The following FIG4 variants were observed in gnomAD, a reference collection of about 807,000 sequenced individuals.
FIG4 encodes the protein polyphosphoinositide phosphatase.
FIG4 carries 112 observed loss-of-function variants against 118.6 expected under a neutral mutation model. The ratio of observed to expected loss-of-function variants is 0.94; its 90% confidence interval spans 0.81 to 1.11. The LOEUF is 1.11. FIG4 is among the 50% of genes least tolerant of loss of function. The pLI is 0.00. For missense variants in FIG4, 969 were observed against 1,111.7 expected (o/e 0.87, Z 1.83); for synonymous variants, 369 against 381.2 (o/e 0.97, Z 0.37).
At chr6:109,795,063 A>G (rs1778238140) in intron 21 of FIG4, among the ~76,000 whole-genome samples, 1 of 124,324 alleles carries the variant, frequency 8.0e-6, no homozygotes, top group East Asian at 2.3e-4. Flanking sequence ...AAAGCTTTCT[A>G]CTTACTTCCT....
intron 22 of FIG4, among the ~76,000 whole-genome samples, chr6:109,821,911 G>A (rs942262907): frequency 5.3e-5 from 8 of 152,070 alleles, no homozygotes; most frequent in Admixed American, 1.3e-4. Flanking sequence ...TCAGTGGCTC[G>A]AGCCTGTAAT....
intron 1 of FIG4, among the ~76,000 whole-genome samples, chr6:109,699,805 C>T (rs1774851360): frequency 5.3e-5 from 8 of 152,070 alleles, no homozygotes; most frequent in Admixed American, 5.2e-4. Flanking sequence ...TGCCTGGCCT[C>T]TCATGTGCAT....
In FIG4 at chr6:109,777,005, A is replaced by G. The variant is rs758695444; in HGVS notation, c.1834A>G (p.Thr612Ala). 17 of 1,613,760 alleles carry G rather than the reference A, an allele frequency of 1.1e-5. No individual in the cohort carries two copies. Among genetic ancestry groups the G allele is most frequent in the South Asian group, 4.4e-5 (4 of 91,072 alleles). The change falls in exon 16 of 23, where the codon ACA (threonine) becomes GCA (alanine). Residue 612 changes from threonine (T) to alanine (A), a missense_variant. Coordinates refer to ENST00000230124, the MANE Select transcript of FIG4 (RefSeq NM_014845.6). ...GAAACCTCATCTCTGGGAGCTCCCA[A>G]CAGATTTTTATTTGCATCACAAAAA... is the stretch of plus-strand genomic sequence containing the variant. ...EGKPHLWELPTDFYLHHKNTM... is the reference protein window; with the variant it reads ...EGKPHLWELPADFYLHHKNTM...
chr6:109,735,424 G>T, intron 6 of FIG4, 126 bp downstream of exon 6: 1 of 879,008 alleles, frequency 1.1e-6, no homozygotes, highest in Non-Finnish European at 1.9e-6. Flanking sequence ...ACGTGGGGTT[G>T]TTTTGGATAT....
At chr6:109,784,550 C>T (rs987414664) in intron 16 of FIG4, among the ~76,000 whole-genome samples, 16 of 152,306 alleles carry the variant, frequency 1.1e-4, no homozygotes, top group South Asian at 8.3e-4. Flanking sequence ...GATAACTACA[C>T]GCAAGGGAAT....
chr6:109,784,465 C>A (rs773718987), intron 16 of FIG4, among the ~76,000 whole-genome samples: 1 of 152,192 alleles, frequency 6.6e-6, no homozygotes, highest in Non-Finnish European at 1.5e-5. Flanking sequence ...TAATTCGTTC[C>A]TTAATGATTT....
chr6:109,795,115 T>G (rs1778245762), intron 21 of FIG4, among the ~76,000 whole-genome samples: 5 of 113,878 alleles, frequency 4.4e-5, no homozygotes, highest in Admixed American at 2.6e-4. Flanking sequence ...TTTTTTTTTT[T>G]TTTTTTTTTT....
In FIG4 at chr6:109,734,281, A is replaced by G. The variant is rs556768991; in HGVS notation, c.498-869A>G. Among the ~76,000 whole-genome samples, 4 of 151,736 alleles carry G rather than the reference A, an allele frequency of 2.6e-5. No homozygotes were observed. The South Asian group carries it at 8.3e-4, about 31-fold the overall frequency. The stretch of plus-strand genomic sequence containing the variant: ...AAATACCTTCTGAAATTCTGTGCTA[A>G]AAATATATAGCTAGGCTCCTTTAGA... On this transcript the variant is annotated intron_variant, in intron 5 of 22. Transcript: ENST00000230124.
At chr6:109,756,772 G>A (rs1776920000) in intron 10 of FIG4, among the ~76,000 whole-genome samples, 1 of 152,052 alleles carries the variant, frequency 6.6e-6, no homozygotes, top group South Asian at 2.1e-4. Flanking sequence ...CTCAAGACTT[G>A]GCTTTCAGCT....
intron 4 of FIG4, 96 bp from the exon 5 acceptor site, chr6:109,732,541 A>G: frequency 1.4e-6 from 1 of 721,280 alleles, no homozygotes. Context: ...TTTAATGAGC[A>G]TATTTACAAA....
At chr6:109,734,651 C>T (rs1776108666) in intron 5 of FIG4, among the ~76,000 whole-genome samples, 1 of 151,964 alleles carries the variant, frequency 6.6e-6, no homozygotes, top group Admixed American at 6.6e-5. Context: ...ACATGTTTCA[C>T]TGTAATGGCC....
chr6:109,793,167 G>A (rs1196331463), intron 21 of FIG4, among the ~76,000 whole-genome samples: 4 of 152,186 alleles, frequency 2.6e-5, no homozygotes, highest in Admixed American at 6.5e-5. Flanking sequence ...GATGCATGCA[G>A]GTATCTGCAC....
chr6:109,780,077 A>T (rs1777752518), intron 16 of FIG4, among the ~76,000 whole-genome samples: 1 of 152,242 alleles, frequency 6.6e-6, no homozygotes, highest in Non-Finnish European at 1.5e-5. Flanking sequence ...TGGGCAAGTC[A>T]CTTAACTGGT....
At position 109,743,256 on chromosome 6, in the gene FIG4, TA is replaced by T; in HGVS notation, c.1026del (p.Lys342AsnfsTer34). ...CTCAGGACATTTCAACTATGATGCC[TA>T]AACCACCTATTACATGTGTGTGGAG... ...WSQDISTMMP[K>X]PPITLDQADP... On this transcript the variant is annotated frameshift_variant, in exon 9 of 23. Transcript: ENST00000230124. LOFTEE classifies it high-confidence loss of function. The T allele has an allele frequency of 6.2e-7, 1 of 1,612,756 alleles. No homozygotes were observed. The highest frequency in any genetic ancestry group is 8.5e-7 in the Non-Finnish European group (1 of 1,179,090).
intron 10 of FIG4, among the ~76,000 whole-genome samples, chr6:109,759,062 C>T (rs924234743): frequency 2.6e-5 from 4 of 152,116 alleles, no homozygotes; most frequent in African/African-American, 9.7e-5. Context: ...GATCTAGAAC[C>T]AGAAATGCCA....
At chr6:109,726,778 T>C (rs1379236576) in intron 3 of FIG4, among the ~76,000 whole-genome samples, 1 of 152,240 alleles carries the variant, frequency 6.6e-6, no homozygotes, top group African/African-American at 2.4e-5. Flanking sequence ...CCTCTCTTAC[T>C]TCCTTGAGCA....
At chr6:109,700,836 A>G (rs1260025236) in intron 1 of FIG4, among the ~76,000 whole-genome samples, 1 of 152,236 alleles carries the variant, frequency 6.6e-6, no homozygotes, top group East Asian at 1.9e-4. Context: ...TGAAACATAA[A>G]TGAATTTTAT....
chr6:109,741,032 T>C (rs1776307683), intron 7 of FIG4, among the ~76,000 whole-genome samples: 1 of 152,128 alleles, frequency 6.6e-6, no homozygotes, highest in African/African-American at 2.4e-5. Flanking sequence ...TCCGCCTCCA[T>C]GATGCAATCA....
At chr6:109,701,466 A>G (rs1031944819) in intron 1 of FIG4, among the ~76,000 whole-genome samples, 1 of 152,246 alleles carries the variant, frequency 6.6e-6, no homozygotes, top group Admixed American at 6.5e-5. Context: ...TAGCATCACA[A>G]TAAGTGACCA....
Sources: gnomAD v4.1 joint callset for allele counts (sites outside exome capture counted in the v4.1 genomes callset) on GRCh38, gnomAD v4.1.1 for gene constraint, MANE v1.5 for transcripts, NCBI Gene and HGNC (gene_info 2026-07-23, HGNC 2026-07-21) for gene names.